The following OSBPL9 variants were observed in gnomAD, a reference collection of about 807,000 sequenced individuals.
The protein encoded by OSBPL9 is oxysterol binding protein like 9.
Under a neutral mutation model 106.6 loss-of-function variants are expected in OSBPL9, and 40 were observed. That is an observed-to-expected ratio of 0.38 (90% CI 0.29 to 0.49). OSBPL9 has a LOEUF of 0.49. Ranked by LOEUF, OSBPL9 falls within the 20% of genes least tolerant of loss-of-function variation. The probability of loss-of-function intolerance (pLI) is 0.97; values close to 1 mark genes in which losing one functional copy is unlikely to be tolerated. For missense variants in OSBPL9, 609 were observed against 887.2 expected, an observed-to-expected ratio of 0.69 and a Z score of 3.98; for synonymous variants, 269 against 295.4, an observed-to-expected ratio of 0.91 and a Z score of 0.92.
upstream of OSBPL9, among the ~76,000 whole-genome samples, chr1:51,612,318 T>C (rs760827574): frequency 6.6e-6 from 1 of 152,240 alleles, no homozygotes; most frequent in Non-Finnish European, 1.5e-5. Context: ...AAATCATGTC[T>C]TTAATATTTA....
intron 1 of OSBPL9, among the ~76,000 whole-genome samples, chr1:51,595,657 C>T (rs899999619): frequency 1.3e-5 from 2 of 152,140 alleles, no homozygotes; most frequent in African/African-American, 4.8e-5. Context: ...CCATACTGTA[C>T]AATCAATGTT....
At chr1:51,750,016 AG>A (rs1668906704) in intron 7 of OSBPL9, 128 bp from the exon 8 acceptor site, 8 of 496,972 alleles carry the variant, frequency 1.6e-5, no homozygotes, top group Non-Finnish European at 2.8e-5. Context: ...CTAGATCCAA[AG>A]AGGATATTTC....
chr1:51,768,075 G>A (rs1278231897), intron 12 of OSBPL9, among the ~76,000 whole-genome samples: 1 of 150,716 alleles, frequency 6.6e-6, no homozygotes, highest in Non-Finnish European at 1.5e-5. Flanking sequence ...CCGAGTAGCT[G>A]GGACTACAGG....
intron 3 of OSBPL9, among the ~76,000 whole-genome samples, chr1:51,670,725 C>T (rs1649671250): frequency 6.6e-6 from 1 of 152,206 alleles, no homozygotes; most frequent in Non-Finnish European, 1.5e-5. Flanking sequence ...CTGAAATTTT[C>T]TACTATATTT....
At chr1:51,649,495 C>G (rs1257756051) in intron 1 of OSBPL9, among the ~76,000 whole-genome samples, 1 of 152,206 alleles carries the variant, frequency 6.6e-6, no homozygotes, top group African/African-American at 2.4e-5. Flanking sequence ...GTAAAGTTTT[C>G]TACATCTGTG....
intron 3 of OSBPL9, among the ~76,000 whole-genome samples, chr1:51,697,328 A>G (rs1656251759): frequency 6.6e-6 from 1 of 151,814 alleles, no homozygotes; most frequent in African/African-American, 2.4e-5. Context: ...CCCCGTGCAT[A>G]TTGGGGCTCA....
the OSBPL9 span, among the ~76,000 whole-genome samples, chr1:51,550,559 C>T: frequency 6.6e-6 from 1 of 152,206 alleles, no homozygotes. Context: ...GTTACCCAGG[C>T]TGGAGTGCAG....
At chr1:51,601,646 A>G (rs1645325533) in intron 2 of OSBPL9, among the ~76,000 whole-genome samples, 1 of 152,224 alleles carries the variant, frequency 6.6e-6, no homozygotes, top group African/African-American at 2.4e-5. Context: ...GCTACTCTAC[A>G]AGCATTAGTT....
intron 12 of OSBPL9, among the ~76,000 whole-genome samples, chr1:51,769,274 C>G (rs150984792): frequency 2.2e-4 from 34 of 152,260 alleles, no homozygotes; most frequent in African/African-American, 7.9e-4. Context: ...AGCTTAAGTC[C>G]TTTCACTGTT....
At chr1:51,577,216 G>A (rs1158229107) in exon 1 of OSBPL9, 1 of 152,126 alleles carries the variant, frequency 6.6e-6, no homozygotes, top group Non-Finnish European at 1.5e-5. Context: ...TAGAAGCTGA[G>A]CAGATGGCAG....
At chr1:51,767,625 G>A (rs1672841534) in intron 12 of OSBPL9, among the ~76,000 whole-genome samples, 1 of 151,994 alleles carries the variant, frequency 6.6e-6, no homozygotes, top group Non-Finnish European at 1.5e-5. Context: ...AGTCCTATGT[G>A]GTCTAGGTGA....
At chr1:51,590,345 G>T (rs1410118156) in intron 1 of OSBPL9, among the ~76,000 whole-genome samples, 1 of 151,938 alleles carries the variant, frequency 6.6e-6, no homozygotes, top group Non-Finnish European at 1.5e-5. Flanking sequence ...ACGTGGCCGG[G>T]CGCGGTGGCT....
intron 1 of OSBPL9, among the ~76,000 whole-genome samples, chr1:51,635,353 A>G (rs1168559155): frequency 6.6e-6 from 1 of 152,144 alleles, no homozygotes; most frequent in African/African-American, 2.4e-5. Context: ...TTCCTAGATT[A>G]GATAAGGCAG....
chr1:51,591,829 G>C (rs1010084311), intron 1 of OSBPL9, among the ~76,000 whole-genome samples: 2 of 151,938 alleles, frequency 1.3e-5, no homozygotes, highest in Non-Finnish European at 2.9e-5. Context: ...AGAAATATTG[G>C]TATCTCGCTA....
intron 4 of OSBPL9, among the ~76,000 whole-genome samples, chr1:51,715,835 C>A (rs368221047): frequency 7.2e-5 from 11 of 152,284 alleles, no homozygotes; most frequent in African/African-American, 2.6e-4. Flanking sequence ...TGTCTTCTAC[C>A]CTTTTTTTCA....
intron 1 of OSBPL9, among the ~76,000 whole-genome samples, chr1:51,649,921 C>T (rs1360012156): frequency 1.3e-5 from 2 of 151,944 alleles, no homozygotes. Context: ...GTCACCCAGG[C>T]TAGAGTGCAG....
chr1:51,740,217 T>C (rs1666595530), intron 4 of OSBPL9: 1 of 1,535,908 alleles, frequency 6.5e-7, no homozygotes, highest in African/African-American at 1.4e-5. Context: ...TAATTGTAAG[T>C]GATTGAATTG....
Position 51,761,901 on chromosome 1 carries a change from A to C in OSBPL9, c.708A>C (p.Pro236=). ...PVQLCKSEQR[P]SSLPVGPVLA... ...AGTTGTGTAAGTCAGAGCAGCGTCC[A>C]TCTTCCCTACCAGTTGGACCTGTGT... The change falls in exon 11 of 24, where the codon CCA becomes CCC. Residue 236 remains proline (P), a synonymous_variant. Coordinates refer to ENST00000428468, the MANE Select transcript of OSBPL9 (RefSeq NM_024586.6). 15 of 1,613,924 alleles carry C rather than the reference A, an allele frequency of 9.3e-6. No homozygotes were observed. Among genetic ancestry groups the C allele is most frequent in the Non-Finnish European group, 1.1e-5 (13 of 1,179,812 alleles).
At chr1:51,645,052 G>A (rs771596153) in intron 1 of OSBPL9, among the ~76,000 whole-genome samples, 5 of 152,154 alleles carry the variant, frequency 3.3e-5, no homozygotes, top group Admixed American at 1.3e-4. Context: ...AAAAGGGCTC[G>A]CTCACTTGTA....
Sources: gnomAD v4.1 joint callset for allele counts (sites outside exome capture counted in the v4.1 genomes callset) on GRCh38, gnomAD v4.1.1 for gene constraint, MANE v1.5 for transcripts, NCBI Gene and HGNC (gene_info 2026-07-23, HGNC 2026-07-21) for gene names.